HTT: variants seen among roughly 807,000 people sequenced by gnomAD.
HTT encodes the protein huntingtin.
HTT carries 104 observed loss-of-function variants against 362.3 expected under a neutral mutation model. The observed-to-expected ratio is 0.29, with a 90% CI of 0.24 to 0.34. HTT has a LOEUF of 0.34. HTT is among the 10% of genes least tolerant of loss of function. The pLI is 1.00. For missense variants in HTT, 3,301 were observed against 3,928.6 expected (o/e 0.84, Z 4.27); for synonymous variants, 1,577 against 1,548.7 (o/e 1.02, Z -0.43).
intron 51 of HTT, among the ~76,000 whole-genome samples, chr4:3,215,777 C>T (rs1278945244): frequency 6.6e-6 from 1 of 152,030 alleles, no homozygotes; most frequent in Non-Finnish European, 1.5e-5. Context: ...TATACTACGG[C>T]TTTTCATGCA....
chr4:3,092,029 A>T (rs1713535594), intron 2 of HTT, among the ~76,000 whole-genome samples: 1 of 152,094 alleles, frequency 6.6e-6, no homozygotes, highest in African/African-American at 2.4e-5. Context: ...ATATTTATTT[A>T]TGTGTTTATT....
intron 5 of HTT, among the ~76,000 whole-genome samples, chr4:3,105,718 G>C (rs1714390754): frequency 1.3e-5 from 2 of 152,200 alleles, no homozygotes; most frequent in Admixed American, 6.5e-5. Context: ...CTCTGTTGCA[G>C]CCCAGCAGCG....
intron 19 of HTT, among the ~76,000 whole-genome samples, chr4:3,135,433 T>C (rs947780426): frequency 2.7e-5 from 4 of 148,688 alleles, no homozygotes; most frequent in Non-Finnish European, 5.9e-5. Context: ...TTTTCCTTTA[T>C]AATTTAGGGT....
rs775890141 is a variant in HTT at position 3,125,616 on chromosome 4, C to T, written c.1389C>T (p.Ser463=). Residue 463 remains serine, a synonymous_variant, in exon 11 of 67, where the codon AGC becomes AGT. Transcript: ENST00000355072. ...DDSESRSDVS[S]SALTASVKDE... is the part of the protein sequence containing the mutation. ...CTGAATCGAGATCGGATGTCAGCAGCTCTGCCTTAACAGGTAGTTCTCACT... is the reference window on the plus strand; with the variant it reads ...CTGAATCGAGATCGGATGTCAGCAGTTCTGCCTTAACAGGTAGTTCTCACT... The T allele has an allele frequency of 1.9e-6, 3 of 1,612,742 alleles. No individual in the cohort carries two copies. The South Asian group carries it at 3.3e-5, about 18-fold the overall frequency.
Position 3,132,829 on chromosome 4 carries a change from T to G in HTT, c.2411T>G (p.Leu804Trp), listed in dbSNP as rs769244324. 8 of 1,614,016 alleles carry G rather than the reference T, an allele frequency of 5.0e-6. No individual in the cohort carries two copies. The highest frequency in any genetic ancestry group is 6.8e-6 in the Non-Finnish European group (8 of 1,179,946). The change falls in exon 18 of 67, where the codon TTG (leucine) becomes TGG (tryptophan). Residue 804 changes from leucine to tryptophan, a missense_variant. Leu to Trp is a moderately conservative substitution (Grantham distance 61). Transcript: ENST00000355072. ...TTCTGGTTAGGAAATACATTTTCTT[T>G]GGCGGATTGCATTCCTTTGCTGCGG... is the stretch of plus-strand genomic sequence containing the variant. ...IRTLTGNTFS[L>W]ADCIPLLRKT...
intron 2 of HTT, among the ~76,000 whole-genome samples, chr4:3,099,028 A>G (rs1578496672): frequency 2.6e-5 from 4 of 152,218 alleles, no homozygotes; most frequent in East Asian, 3.8e-4. Context: ...GGAAGTTTTC[A>G]TATACCCTAC....
At position 3,125,536 on chromosome 4, in the gene HTT, C is replaced by A. The variant is rs1297209837; in HGVS notation, c.1322-13C>A. On this transcript the variant is annotated splice_polypyrimidine_tract_variant and intron_variant, in intron 10 of 66. Transcript: ENST00000355072. ...TAGCAAACTAAAAGGAATGTTGGTA[C>A]ATTATTTACTAGGCAAAGTGCTCTT... 3 of 1,593,766 alleles carry A rather than the reference C, an allele frequency of 1.9e-6. No homozygotes were observed. Among genetic ancestry groups the A allele is most frequent in the Non-Finnish European group, 2.6e-6 (3 of 1,162,048 alleles).
intron 40 of HTT, among the ~76,000 whole-genome samples, chr4:3,192,106 G>C (rs760763234): frequency 6.6e-6 from 1 of 151,898 alleles, no homozygotes; most frequent in Non-Finnish European, 1.5e-5. Context: ...TCACTTTGTC[G>C]CCTAGGCTGA....
rs1179450975 is a variant in HTT, at chr4:3,093,860, C to CTT, written c.348-5397_348-5396dup. ...AGAGGGAATGTGGTGCTGCCAATTC[C>CTT]TTTTTTTTTTTTTTTTTTAAGATAT... is the stretch of plus-strand genomic sequence containing the variant. On this transcript the variant is annotated intron_variant, in intron 2 of 66. Coordinates refer to ENST00000355072, the MANE Select transcript of HTT (RefSeq NM_001388492.1). Among the ~76,000 whole-genome samples the CTT allele has an allele frequency of 3.0e-3, 222 of 73,346 alleles. 1 individual carries two copies. Among genetic ancestry groups the CTT allele is most frequent in the African/African-American group, 6.3e-3 (127 of 20,282 alleles). 48.1% of individuals were successfully genotyped at this position (73,346 alleles called of 152,430 possible).
intron 35 of HTT, 69 bp from the exon 36 acceptor site, chr4:3,180,446 T>C (rs917535281): frequency 7.3e-6 from 10 of 1,374,068 alleles, no homozygotes; most frequent in Non-Finnish European, 9.9e-6. Flanking sequence ...ATTTTGTAGA[T>C]GTTGAGAGCA....
At chr4:3,168,570 TA>T (rs1388052760) in intron 29 of HTT, among the ~76,000 whole-genome samples, 1 of 152,246 alleles carries the variant, frequency 6.6e-6, no homozygotes, top group African/African-American at 2.4e-5. Flanking sequence ...TACTCATTTT[TA>T]TACATAATTG....
chr4:3,230,147 A>G (rs1165593479), intron 60 of HTT, 105 bp downstream of exon 60: 3 of 961,964 alleles, frequency 3.1e-6, no homozygotes, highest in Non-Finnish European at 4.9e-6. Flanking sequence ...GCCTCCTTCC[A>G]AGAGTTGACC....
chr4:3,199,970 G>A (rs199512678), intron 41 of HTT, 31 bp downstream of exon 41: 18 of 1,565,954 alleles, frequency 1.1e-5, no homozygotes, highest in Admixed American at 1.8e-5. Context: ...AGCCCAGGGC[G>A]CCAGCCCAGC....
At chr4:3,110,038 C>T (rs1371937582) in intron 6 of HTT, among the ~76,000 whole-genome samples, 1 of 152,322 alleles carries the variant, frequency 6.6e-6, no homozygotes, top group African/African-American at 2.4e-5. Flanking sequence ...CTTGGGCAGG[C>T]TGGTGCTGGC....
chr4:3,127,563 G>A lies in HTT; in HGVS notation c.1702G>A (p.Gly568Arg), dbSNP rs371803336. 3.2e-5 allele frequency: 52 copies of A among 1,613,956 alleles called. No homozygotes were observed. The highest frequency in any genetic ancestry group is 4.0e-5 in the African/African-American group (3 of 74,946). Residue 568 changes from glycine (G) to arginine (R), a missense_variant, in exon 12 of 67, where the codon GGG becomes AGG. Gly to Arg is a moderately radical substitution (Grantham distance 125, BLOSUM62 -2). Transcript: ENST00000355072. ...ISDSSQTTTEGPDSAVTPSDS... is the reference protein window; with the variant it reads ...ISDSSQTTTERPDSAVTPSDS... ...CGACAGCTCCCAGACCACCACCGAA[G>A]GGCCTGATTCAGCTGTTACCCCTTC...
At chr4:3,138,995 C>A (rs761075918) in intron 21 of HTT, among the ~76,000 whole-genome samples, 2 of 152,102 alleles carry the variant, frequency 1.3e-5, no homozygotes, top group East Asian at 1.9e-4. Context: ...TATAAAAAAA[C>A]GAAATAATCT....
In HTT at chr4:3,199,824, C is replaced by G. The variant is rs201058625; in HGVS notation, c.5461C>G (p.Arg1821Gly). 1 of 1,614,076 alleles carries G rather than the reference C, an allele frequency of 6.2e-7. No individual in the cohort carries two copies. Among genetic ancestry groups the G allele is most frequent in the African/African-American group, 1.3e-5 (1 of 74,932 alleles). Reference sequence around the variant, plus strand: ...CTACACCCTGGACAGCTTGAACTTGCGGGCTCGTTCCATGATCACCACCCA... The same window carrying G: ...CTACACCCTGGACAGCTTGAACTTGGGGGCTCGTTCCATGATCACCACCCA... Reference protein sequence around the residue: ...SFYTLDSLNLRARSMITTHPA... With the variant: ...SFYTLDSLNLGARSMITTHPA... Residue 1821 changes from arginine (R) to glycine (G), a missense_variant, in exon 41 of 67, where the codon CGG becomes GGG. Transcript: ENST00000355072.
intron 19 of HTT, 119 bp downstream of exon 19, chr4:3,134,659 G>A: frequency 1.2e-6 from 1 of 863,694 alleles, no homozygotes; most frequent in Non-Finnish European, 1.8e-6. Context: ...GAGTGGTTTA[G>A]GTAGATGACA....
intron 63 of HTT, 37 bp downstream of exon 63, chr4:3,235,815 G>C (rs1158516601): frequency 3.9e-6 from 6 of 1,522,422 alleles, no homozygotes; most frequent in South Asian, 2.3e-5. Flanking sequence ...GCCAGCCCAA[G>C]TCCTGTTCAA....
Sources: gnomAD v4.1 joint callset for allele counts (sites outside exome capture counted in the v4.1 genomes callset) on GRCh38, gnomAD v4.1.1 for gene constraint, MANE v1.5 for transcripts, NCBI Gene and HGNC (gene_info 2026-07-23, HGNC 2026-07-21) for gene names.